STARD8: variants seen among roughly 807,000 people sequenced by gnomAD.
STARD8 encodes the protein StAR related lipid transfer domain containing 8.
A neutral mutation model predicts 69.4 loss-of-function variants in STARD8; 25 were observed. The observed-to-expected ratio is 0.36, with a 90% confidence interval of 0.26 to 0.50. The LOEUF is 0.50. Among genes scored for constraint, STARD8 ranks in the 20% least tolerant of loss-of-function variants. The pLI, the probability that STARD8 is intolerant of heterozygous loss-of-function variation, is 0.96. For synonymous variants in STARD8, 389 were observed against 374.6 expected (o/e 1.04, Z -0.45); for missense variants, 921 against 932.5 (o/e 0.99, Z 0.16).
intron 2 of STARD8, among the ~76,000 whole-genome samples, chrX:68,668,111 T>C (rs868771414): frequency 1.0e-5 from 1 of 96,863 alleles, no homozygotes; most frequent in African/African-American, 4.0e-5. Flanking sequence ...CTTTCTTTCT[T>C]TCTGTCTTTC....
At chrX:68,661,387 C>T (rs772789393) in intron 1 of STARD8, among the ~76,000 whole-genome samples, 5 of 112,254 alleles carry the variant, frequency 4.5e-5, no homozygotes, top group African/African-American at 9.7e-5. Flanking sequence ...ACTCTTTCAA[C>T]GTGTTTCCCT....
intron 2 of STARD8, among the ~76,000 whole-genome samples, chrX:68,689,305 G>A (rs1276646760): frequency 9.3e-6 from 1 of 107,291 alleles, no homozygotes; most frequent in Non-Finnish European, 1.9e-5. Context: ...TTAGTGGGGT[G>A]CTCCATCTGC....
chrX:68,648,053 T>A, intron 1 of STARD8, 126 bp downstream of exon 1: 2 of 840,389 alleles, frequency 2.4e-6, no homozygotes, highest in Non-Finnish European at 3.4e-6. Flanking sequence ...GCTCTCGGAG[T>A]TAGAAAGGCT....
Position 68,725,625 on chromosome X carries a change from CATAT to C in STARD8, c.*1208_*1211del, listed in dbSNP as rs1412317855. Reference sequence around the variant, plus strand: ...ATATGTGTTTATAGAGATACACACACATATATATGTGTGTATATATATACACATA... The same window carrying C: ...ATATGTGTTTATAGAGATACACACACATATGTGTGTATATATATACACATA... On this transcript the variant is annotated 3_prime_UTR_variant, in exon 15 of 15. Coordinates refer to ENST00000374599, the MANE Select transcript of STARD8 (RefSeq NM_001142503.3). 1 of 103,631 alleles carries C rather than the reference CATAT, an allele frequency of 9.6e-6. No homozygotes were observed. The highest frequency in any genetic ancestry group is 3.6e-5 in the African/African-American group (1 of 28,021). 8.5% of individuals were successfully genotyped at this position (103,631 alleles called of 1,213,427 possible).
intron 1 of STARD8, among the ~76,000 whole-genome samples, chrX:68,658,217 T>C (rs1044267236): frequency 1.1e-4 from 12 of 112,420 alleles, no homozygotes; most frequent in African/African-American, 2.9e-4. Flanking sequence ...TCCACATATA[T>C]TAACTCATTT....
intron 2 of STARD8, among the ~76,000 whole-genome samples, chrX:68,709,483 G>C (rs1476941165): frequency 8.9e-6 from 1 of 112,075 alleles, no homozygotes; most frequent in East Asian, 2.8e-4. Context: ...ACTTTCTGTA[G>C]TATTTTATTT....
chrX:68,682,666 A>T (rs2079808132), intron 2 of STARD8, among the ~76,000 whole-genome samples: 1 of 112,774 alleles, frequency 8.9e-6, no homozygotes, highest in African/African-American at 3.2e-5. Flanking sequence ...TATGAGTTAA[A>T]ATGTGCAAAG....
rs1233040188 is a variant in STARD8 at position 68,719,409 on chromosome X, C to T, written c.1889+11C>T. 2.5e-5 allele frequency: 29 copies of T among 1,149,045 alleles called. No homozygotes were observed. The highest frequency in any genetic ancestry group is 3.2e-5 in the Non-Finnish European group (28 of 863,030). The allele number at this position is 1,149,045 out of a possible 1,213,427, so 94.7% of individuals were successfully genotyped here. A position where few individuals can be genotyped will look rare whatever the true frequency, so the allele number is the denominator to read the frequency against. On this transcript the variant is annotated intron_variant, in intron 7 of 14. Coordinates refer to ENST00000374599, the MANE Select transcript of STARD8 (RefSeq NM_001142503.3). ...GCAGGGCTGGGTCTGGTGAGTGGCT[C>T]CTGGGCCATGGAGGGTGGGGAACTG...
chrX:68,657,502 C>T (rs962682444), intron 1 of STARD8, among the ~76,000 whole-genome samples: 1 of 111,924 alleles, frequency 8.9e-6, no homozygotes, highest in Admixed American at 9.5e-5. Flanking sequence ...ACACTCAACC[C>T]CCAAGTGCCC....
At chrX:68,709,299 C>T (rs2080031822) in intron 2 of STARD8, among the ~76,000 whole-genome samples, 1 of 112,320 alleles carries the variant, frequency 8.9e-6, no homozygotes, top group Non-Finnish European at 1.9e-5. Flanking sequence ...TTCCCCCAGC[C>T]ATTTGGCTGC....
chrX:68,702,685 C>T (rs1372562484), intron 2 of STARD8, among the ~76,000 whole-genome samples: 1 of 111,294 alleles, frequency 9.0e-6, no homozygotes, highest in Non-Finnish European at 1.9e-5. Flanking sequence ...AGCTGCTGAC[C>T]TTGGGCAAGT....
At chrX:68,708,180 C>A (rs2080023149) in intron 2 of STARD8, among the ~76,000 whole-genome samples, 2 of 112,675 alleles carry the variant, frequency 1.8e-5, no homozygotes, top group Admixed American at 9.3e-5. Context: ...AGTCGTTAGT[C>A]TCCACTGTAT....
chrX:68,724,417 C>T lies in STARD8; in HGVS notation c.3307C>T (p.Leu1103=). The T allele has an allele frequency of 8.3e-7, 1 of 1,201,313 alleles. No homozygotes were observed. Among genetic ancestry groups the T allele is most frequent in the South Asian group, 1.8e-5 (1 of 55,368 alleles). Residue 1103 remains leucine (L), a synonymous_variant, in exon 15 of 15, where the codon CTG becomes TTG. Coordinates refer to ENST00000374599, the MANE Select transcript of STARD8 (RefSeq NM_001142503.3). ...GCAGGCAGCGGGCCCTGAGACAAAGCTGTGAGCCTTGGGCTGGTCCCAGGG... is the reference window on the plus strand; with the variant it reads ...GCAGGCAGCGGGCCCTGAGACAAAGTTGTGAGCCTTGGGCTGGTCCCAGGG... ...TLQAAGPETK[L]
chrX:68,668,268 TTCTTTC>T (rs1169222154), intron 2 of STARD8, among the ~76,000 whole-genome samples: 4 of 86,448 alleles, frequency 4.6e-5, no homozygotes, highest in African/African-American at 1.6e-4. Flanking sequence ...CTTTCTTTCT[TTCTTTC>T]TCTTTCTTTC....
In STARD8 at chrX:68,718,380, C is replaced by T. The variant is rs951773106; in HGVS notation, c.1466C>T (p.Pro489Leu). The change falls in exon 6 of 15, where the codon CCG (proline) becomes CTG (leucine). Residue 489 changes from proline to leucine, a missense_variant. Physicochemically the swap from Pro to Leu is moderately conservative, Grantham distance 98. Coordinates refer to ENST00000374599, the MANE Select transcript of STARD8 (RefSeq NM_001142503.3). ...QEEAEAPAPA[P>L]APAPAQDSEQ... ...GAGGCTGAGGCCCCGGCCCCAGCCC[C>T]GGCCCCGGCCCCAGCCCAGGACAGT... 5.0e-6 allele frequency: 6 copies of T among 1,203,562 alleles called. No individual in the cohort carries two copies. The highest frequency in any genetic ancestry group is 1.8e-5 in the African/African-American group (1 of 57,128).
At chrX:68,711,249 C>T (rs1055210519) in intron 2 of STARD8, among the ~76,000 whole-genome samples, 10 of 109,947 alleles carry the variant, frequency 9.1e-5, no homozygotes, top group South Asian at 3.9e-4. Context: ...CACACACACA[C>T]GGAGAGAAAG....
intron 2 of STARD8, among the ~76,000 whole-genome samples, chrX:68,682,213 G>GGT (rs2079805665): frequency 9.0e-6 from 1 of 111,334 alleles, no homozygotes; most frequent in East Asian, 2.8e-4. Flanking sequence ...TGGCCAGGCT[G>GGT]GTCTCAAACT....
At chrX:68,648,160 C>T (rs1473816037) in intron 1 of STARD8, among the ~76,000 whole-genome samples, 1 of 112,342 alleles carries the variant, frequency 8.9e-6, no homozygotes, top group Non-Finnish European at 1.9e-5. Context: ...TTTAATAAAA[C>T]TCGCCTCTGT....
At chrX:68,697,370 G>A (rs1484583430) in intron 2 of STARD8, among the ~76,000 whole-genome samples, 1 of 112,020 alleles carries the variant, frequency 8.9e-6, no homozygotes, top group Non-Finnish European at 1.9e-5. Context: ...AAAGGTCCCA[G>A]CCCAGATGTT....
Sources: allele counts gnomAD v4.1 joint callset (sites outside exome capture counted in the v4.1 genomes callset), GRCh38; gene constraint gnomAD v4.1.1; transcripts MANE v1.5; gene names NCBI Gene and HGNC (gene_info 2026-07-23, HGNC 2026-07-21).